GRM1: variants seen among roughly 807,000 people sequenced by gnomAD.
GRM1 encodes glutamate metabotropic receptor 1, also known as metabotropic glutamate receptor 1.
A neutral mutation model predicts 90.9 loss-of-function variants in GRM1; 33 were observed. The ratio of observed to expected loss-of-function variants is 0.36; its 90% CI spans 0.28 to 0.49. The LOEUF is 0.49. Among genes scored for constraint, GRM1 ranks in the 20% least tolerant of loss-of-function variants. GRM1 has a pLI of 0.99. For missense variants in GRM1, 1,190 were observed against 1,534.3 expected, an observed-to-expected ratio of 0.78 and a Z score of 3.75; for synonymous variants, 700 against 613.2, an observed-to-expected ratio of 1.14 and a Z score of -2.09.
At chr6:146,028,462 T>C (rs1790580218), upstream of GRM1, among the ~76,000 whole-genome samples, 1 of 151,722 alleles carries the variant, frequency 6.6e-6, no homozygotes, top group African/African-American at 2.4e-5. Flanking sequence ...GAAGCTCCCC[T>C]CCGTTCCCTT....
chr6:146,092,388 A>C (rs1303665631), intron 1 of GRM1, among the ~76,000 whole-genome samples: 1 of 151,768 alleles, frequency 6.6e-6, no homozygotes, highest in Non-Finnish European at 1.5e-5. Flanking sequence ...AACTATCTTC[A>C]CCTTTTGCAG....
chr6:146,304,587 T>C, intron 2 of GRM1, 24 bp from the exon 3 acceptor site: 1 of 1,472,492 alleles, frequency 6.8e-7, no homozygotes, highest in South Asian at 1.1e-5. Flanking sequence ...TCTCTCTCCC[T>C]ACCCCAATCC....
At chr6:146,153,031 C>T (rs777345089) in intron 1 of GRM1, among the ~76,000 whole-genome samples, 54 of 152,124 alleles carry the variant, frequency 3.5e-4, no homozygotes, top group Non-Finnish European at 6.5e-4. Flanking sequence ...AGAGGGTGGG[C>T]TCGTGGCTGG....
intron 7 of GRM1, among the ~76,000 whole-genome samples, chr6:146,422,879 G>A (rs1219830427): frequency 6.6e-6 from 1 of 151,438 alleles, no homozygotes; most frequent in Admixed American, 6.6e-5. Flanking sequence ...TGTATGACAA[G>A]CAGTGACTTT....
chr6:146,071,527 T>G (rs948444722), intron 1 of GRM1, among the ~76,000 whole-genome samples: 2 of 152,200 alleles, frequency 1.3e-5, no homozygotes, highest in Non-Finnish European at 2.9e-5. Flanking sequence ...CATGTAGGCT[T>G]GAAAGGCAAG....
chr6:146,067,635 T>C (rs1017504445), intron 1 of GRM1, among the ~76,000 whole-genome samples: 1 of 152,110 alleles, frequency 6.6e-6, no homozygotes, highest in Non-Finnish European at 1.5e-5. Context: ...AAAATACCTA[T>C]CTATCACAAG....
chr6:146,159,232 A>C lies in GRM1; in HGVS notation c.701-116A>C, dbSNP rs1393627235. ...TTCCGTCAGTCTCAGCCATATTTAC[A>C]AATTATTTGGCAAGTCCGTTCTCTC... On this transcript the variant is annotated intron_variant, in intron 1 of 7. Coordinates refer to ENST00000282753, the MANE Select transcript of GRM1 (RefSeq NM_001278064.2). The C allele has an allele frequency of 6.5e-6, 8 of 1,225,738 alleles. No individual in the cohort carries two copies. The East Asian group carries it at 1.6e-4, about 25-fold the overall frequency. The allele number at this position is 1,225,738 out of a possible 1,614,324, so 75.9% of individuals were successfully genotyped here.
chr6:146,074,432 G>A (rs992324990), intron 1 of GRM1, among the ~76,000 whole-genome samples: 4 of 152,016 alleles, frequency 2.6e-5, no homozygotes, highest in African/African-American at 9.7e-5. Flanking sequence ...GAACTCACAG[G>A]GTTATTGAGA....
intron 1 of GRM1, among the ~76,000 whole-genome samples, chr6:146,032,220 C>T (rs1001826192): frequency 2.0e-5 from 3 of 152,054 alleles, no homozygotes; most frequent in African/African-American, 7.3e-5. Context: ...GACAATGTCT[C>T]CGTACTATTA....
chr6:146,290,348 C>T (rs1015161125), intron 2 of GRM1, among the ~76,000 whole-genome samples: 2 of 152,008 alleles, frequency 1.3e-5, no homozygotes, highest in South Asian at 2.1e-4. Flanking sequence ...TTCTTAACAA[C>T]GTAAAAAACT....
At chr6:146,168,230 CTA>C (rs1321424712) in intron 2 of GRM1, among the ~76,000 whole-genome samples, 2 of 151,980 alleles carry the variant, frequency 1.3e-5, no homozygotes, top group African/African-American at 4.8e-5. Flanking sequence ...AATTTTATCT[CTA>C]TTTTTGGCTT....
At chr6:146,094,905 C>G (rs1776827710) in intron 1 of GRM1, among the ~76,000 whole-genome samples, 1 of 151,940 alleles carries the variant, frequency 6.6e-6, no homozygotes, top group Non-Finnish European at 1.5e-5. Flanking sequence ...CAAGACAATT[C>G]CTCCAAAGAT....
chr6:146,243,076 C>G (rs1478197899), intron 2 of GRM1, among the ~76,000 whole-genome samples: 1 of 152,072 alleles, frequency 6.6e-6, no homozygotes, highest in Admixed American at 6.6e-5. Context: ...AACCTTTCAG[C>G]AATCCAGATC....
intron 6 of GRM1, among the ~76,000 whole-genome samples, chr6:146,388,466 A>C (rs1444175563): frequency 1.3e-5 from 2 of 152,098 alleles, no homozygotes; most frequent in Non-Finnish European, 2.9e-5. Flanking sequence ...GGTAAGTAGA[A>C]CTAGGTCACG....
intron 2 of GRM1, chr6:146,159,823 G>C: frequency 5.8e-6 from 3 of 517,300 alleles, no homozygotes; most frequent in Non-Finnish European, 7.0e-6. Context: ...GCTCAGGAGG[G>C]AGGATTGGTT....
At chr6:146,209,760 G>A (rs1240360343) in intron 2 of GRM1, among the ~76,000 whole-genome samples, 1 of 152,056 alleles carries the variant, frequency 6.6e-6, no homozygotes, top group African/African-American at 2.4e-5. Flanking sequence ...CATTATTTTG[G>A]ATTCAGTGAT....
intron 2 of GRM1, among the ~76,000 whole-genome samples, chr6:146,291,100 G>T (rs374557556): frequency 6.6e-6 from 1 of 152,048 alleles, no homozygotes; most frequent in African/African-American, 2.4e-5. Flanking sequence ...TTTAAAATTG[G>T]CATTTGCCTT....
intron 7 of GRM1, among the ~76,000 whole-genome samples, chr6:146,427,321 T>A (rs981930009): frequency 4.6e-5 from 7 of 152,188 alleles, no homozygotes; most frequent in Non-Finnish European, 1.0e-4. Context: ...ACAGTGTCTT[T>A]TTAAGTTAAC....
At chr6:146,411,237 C>T (rs915026727) in intron 7 of GRM1, among the ~76,000 whole-genome samples, 2 of 152,034 alleles carry the variant, frequency 1.3e-5, no homozygotes, top group African/African-American at 4.8e-5. Flanking sequence ...GAAGCATTAC[C>T]CTAGCTAAGA....
Sources: allele counts gnomAD v4.1 joint callset (sites outside exome capture counted in the v4.1 genomes callset), GRCh38; gene constraint gnomAD v4.1.1; transcripts MANE v1.5; gene names NCBI Gene and HGNC (gene_info 2026-07-23, HGNC 2026-07-21).